Variants in DNM2 observed in about 807,000 individuals in gnomAD.
The protein encoded by DNM2 is dynamin-2.
Under a neutral mutation model 99.0 loss-of-function variants are expected in DNM2, and 15 were observed. The ratio of observed to expected loss-of-function variants is 0.15; its 90% CI spans 0.10 to 0.23. The LOEUF is 0.23. DNM2 is among the 10% of genes least tolerant of loss of function. The pLI is 1.00. For synonymous variants in DNM2, 525 were observed against 481.2 expected (o/e 1.09, Z -1.19); for missense variants, 742 against 1,189.4 (o/e 0.62, Z 5.53).
rs186511887 is a variant in DNM2, at chr19:10,731,397, G to A, written c.161+12994G>A. Reference sequence around the variant, plus strand: ...GAGGCAGAGTCTCACAGTGTCGCCCGGGCTGGAGTGCAATGCATGATCTCA... The same window carrying A: ...GAGGCAGAGTCTCACAGTGTCGCCCAGGCTGGAGTGCAATGCATGATCTCA... On this transcript the variant is annotated intron_variant, in intron 1 of 20. Coordinates refer to ENST00000389253, the MANE Select transcript of DNM2 (RefSeq NM_001005361.3). Among the ~76,000 whole-genome samples, 26 of 147,584 alleles carry A rather than the reference G, an allele frequency of 1.8e-4. No individual in the cohort carries two copies. The East Asian group carries it at 1.9e-3, about 11-fold the overall frequency.
Position 10,759,698 on chromosome 19 carries a change from G to A in DNM2, c.162-40G>A, listed in dbSNP as rs199874824. 32 of 1,612,928 alleles carry A rather than the reference G, an allele frequency of 2.0e-5. 1 individual carries two copies. Among genetic ancestry groups the A allele is most frequent in the South Asian group, 1.9e-4 (17 of 91,056 alleles). ...GGTCACACTTCCTGCCCCTCGATCC[G>A]GACGCAAGAGTAATTTCTGTCCCTC... On this transcript the variant is annotated intron_variant, in intron 1 of 20. Coordinates refer to ENST00000389253, the MANE Select transcript of DNM2 (RefSeq NM_001005361.3).
chr19:10,782,569 A>C (rs1180731495), intron 5 of DNM2, among the ~76,000 whole-genome samples: 2 of 150,648 alleles, frequency 1.3e-5, no homozygotes, highest in Non-Finnish European at 3.0e-5. Flanking sequence ...CATGCTGGCC[A>C]GGGTGGCCTC....
In DNM2 at chr19:10,772,465, T is replaced by C; in HGVS notation, c.236-14T>C. ...AGCTCTTTCTCATTTTCAGCATCTC[T>C]CTTCCCTTTCTAGAACATGCCGAGT... is the stretch of plus-strand genomic sequence containing the variant. On this transcript the variant is annotated splice_polypyrimidine_tract_variant and intron_variant, in intron 2 of 20. Coordinates refer to ENST00000389253, the MANE Select transcript of DNM2 (RefSeq NM_001005361.3). This position sits in a 1 kb window ranked among gnomAD's most constrained non-coding sequence, Gnocchi z 4.9. The C allele has an allele frequency of 6.2e-7, 1 of 1,613,896 alleles. No individual in the cohort carries two copies. The highest frequency in any genetic ancestry group is 1.1e-5 in the South Asian group (1 of 91,084).
intron 7 of DNM2, among the ~76,000 whole-genome samples, chr19:10,790,529 G>A (rs1043351184): frequency 2.0e-5 from 3 of 152,128 alleles, no homozygotes; most frequent in Non-Finnish European, 4.4e-5. Flanking sequence ...CTGAAGCGCA[G>A]TGGCATGATC....
chr19:10,743,472 C>T (rs1246597053), intron 1 of DNM2, among the ~76,000 whole-genome samples: 2 of 150,686 alleles, frequency 1.3e-5, no homozygotes, highest in East Asian at 2.0e-4. Flanking sequence ...GTCATGAGTT[C>T]GAGACCAGCC....
chr19:10,759,669 A>G (rs1442577015), intron 1 of DNM2, 69 bp from the exon 2 acceptor site: 1 of 1,594,418 alleles, frequency 6.3e-7, no homozygotes, highest in African/African-American at 1.3e-5. Context: ...GCTCCACCAC[A>G]TGTGGTCACA....
chr19:10,786,890 G>T (rs893161007), intron 7 of DNM2, 184 bp downstream of exon 7: 1 of 1,306,938 alleles, frequency 7.7e-7, no homozygotes, highest in African/African-American at 1.5e-5. Context: ...GAGGGGACAG[G>T]TGTCCGTCCC....
chr19:10,743,059 G>A (rs539739558), intron 1 of DNM2, among the ~76,000 whole-genome samples: 2 of 151,966 alleles, frequency 1.3e-5, no homozygotes, highest in African/African-American at 2.4e-5. Flanking sequence ...GACCACAGGC[G>A]TGTGCCACCA....
At chr19:10,728,801 G>T (rs952395206) in intron 1 of DNM2, among the ~76,000 whole-genome samples, 7 of 151,762 alleles carry the variant, frequency 4.6e-5, no homozygotes, top group Non-Finnish European at 1.0e-4. Flanking sequence ...ACAAAAATTA[G>T]CTGAGCATGG....
chr19:10,746,955 T>G (rs1178072378), intron 1 of DNM2, among the ~76,000 whole-genome samples: 1 of 151,922 alleles, frequency 6.6e-6, no homozygotes, highest in African/African-American at 2.4e-5. Flanking sequence ...CAAGCTGGTC[T>G]CAAACTCCTG....
intron 11 of DNM2, among the ~76,000 whole-genome samples, chr19:10,801,908 GAAA>G (rs34959391): frequency 4.0e-4 from 40 of 101,054 alleles, no homozygotes; most frequent in Non-Finnish European, 4.8e-4. Context: ...CCGTCTCGAA[GAAA>G]AAAAAAAAAA....
intron 1 of DNM2, 174 bp downstream of exon 1, chr19:10,718,577 C>G (rs767035758): frequency 1.0e-6 from 1 of 979,384 alleles, no homozygotes; most frequent in Admixed American, 4.6e-5. Context: ...AGAGGACTCC[C>G]TGCAGGGGCT....
chr19:10,746,717 C>CTT lies in DNM2; in HGVS notation c.162-13013_162-13012dup, dbSNP rs1279869201. ...TTACAGGTGTGAGCAACCGTGCCGGCTTTTTTTTTGTTTTTTGTTTTTTTT... is the reference window on the plus strand; with the variant it reads ...TTACAGGTGTGAGCAACCGTGCCGGCTTTTTTTTTTTGTTTTTTGTTTTTTTT... On this transcript the variant is annotated intron_variant, in intron 1 of 20. Transcript: ENST00000389253. Among the ~76,000 whole-genome samples, 133 of 103,122 alleles carry CTT rather than the reference C, an allele frequency of 1.3e-3. 2 individuals are homozygous for CTT. Among genetic ancestry groups the CTT allele is most frequent in the Non-Finnish European group, 1.7e-3 (92 of 54,330 alleles). The allele number at this position is 103,122 out of a possible 152,430, so 67.7% of individuals were successfully genotyped here.
intron 1 of DNM2, among the ~76,000 whole-genome samples, chr19:10,728,448 G>A (rs919319580): frequency 7.2e-5 from 11 of 152,168 alleles, no homozygotes; most frequent in African/African-American, 2.4e-4. Flanking sequence ...CTTGAGAGCA[G>A]GGCTGAATGG....
At chr19:10,753,204 C>T (rs1599480352) in intron 1 of DNM2, among the ~76,000 whole-genome samples, 1 of 152,204 alleles carries the variant, frequency 6.6e-6, no homozygotes, top group Non-Finnish European at 1.5e-5. Context: ...TGTTGAATAG[C>T]TATTAGCTAC....
chr19:10,797,329 G>T lies in DNM2; in HGVS notation c.1197-51G>T, dbSNP rs779622952. ...GTCTCCTGTCCTGCGTGTGTGGCCT[G>T]CACTGTCCCTGGGTGTCTTTCTGCC... On this transcript the variant is annotated intron_variant, in intron 9 of 20. Coordinates refer to ENST00000389253, the MANE Select transcript of DNM2 (RefSeq NM_001005361.3). The T allele has an allele frequency of 3.9e-5, 63 of 1,606,638 alleles. No individual in the cohort carries two copies. In the African/African-American group the frequency reaches 7.4e-4, roughly 19 times the overall value.
chr19:10,742,916 T>TC (rs2069808837), intron 1 of DNM2, among the ~76,000 whole-genome samples: 2 of 148,234 alleles, frequency 1.3e-5, no homozygotes, highest in South Asian at 2.1e-4. Context: ...TTTCTTTCTT[T>TC]TTTTTTTTTT....
At chr19:10,761,371 T>C (rs1247074035) in intron 2 of DNM2, among the ~76,000 whole-genome samples, 3 of 152,124 alleles carry the variant, frequency 2.0e-5, no homozygotes, top group Non-Finnish European at 4.4e-5. Context: ...TTTTTTCCTG[T>C]TCTTTCCTTC....
intron 7 of DNM2, among the ~76,000 whole-genome samples, chr19:10,791,239 C>CCACAG (rs1479692442): frequency 1.3e-5 from 2 of 152,028 alleles, no homozygotes; most frequent in African/African-American, 2.4e-5. Flanking sequence ...CAGGCGTGCA[C>CCACAG]CACAGCACCT....
Sources: allele counts gnomAD v4.1 joint callset (sites outside exome capture counted in the v4.1 genomes callset), GRCh38; gene constraint gnomAD v4.1.1; non-coding constraint Gnocchi (gnomAD v3.1); transcripts MANE v1.5; gene names NCBI Gene and HGNC (gene_info 2026-07-23, HGNC 2026-07-21).